Variants in DGKB observed in about 807,000 individuals in gnomAD.
DGKB encodes 90 kDa diacylglycerol kinase.
Under a neutral mutation model 114.3 loss-of-function variants are expected in DGKB, and 67 were observed. That is an observed-to-expected ratio of 0.59 (90% confidence interval 0.48 to 0.72). The LOEUF (loss-of-function observed/expected upper bound fraction) is 0.72, where lower values mean the gene tolerates loss of function less well. DGKB is among the 30% of genes least tolerant of loss of function. DGKB has a pLI of 0.00. For synonymous variants in DGKB, 398 were observed against 323.1 expected (o/e 1.23, Z -2.49); for missense variants, 907 against 975.2 (o/e 0.93, Z 0.93).
At chr7:14,259,676 T>A (rs1796478107) in intron 23 of DGKB, among the ~76,000 whole-genome samples, 2 of 152,166 alleles carry the variant, frequency 1.3e-5, no homozygotes, top group South Asian at 4.1e-4. Context: ...TCCACCCACC[T>A]CAGCCTCCCA....
At chr7:14,185,739 C>G (rs1178277398) in intron 23 of DGKB, among the ~76,000 whole-genome samples, 1 of 152,042 alleles carries the variant, frequency 6.6e-6, no homozygotes. Flanking sequence ...TGATCTTTGA[C>G]AAAACAAACA....
intron 1 of DGKB, among the ~76,000 whole-genome samples, chr7:14,880,390 G>A (rs1312098325): frequency 2.0e-5 from 3 of 152,110 alleles, no homozygotes; most frequent in African/African-American, 4.8e-5. Context: ...CCTGGGAGGC[G>A]TAGGTTGCTC....
intron 1 of DGKB, among the ~76,000 whole-genome samples, chr7:14,923,861 G>C (rs1348482231): frequency 1.3e-5 from 2 of 151,718 alleles, no homozygotes; most frequent in Non-Finnish European, 2.9e-5. Context: ...CGGGTGTGGT[G>C]GTGCATGCCT....
At chr7:14,796,480 T>C (rs575600618) in intron 2 of DGKB, among the ~76,000 whole-genome samples, 7 of 152,228 alleles carry the variant, frequency 4.6e-5, no homozygotes, top group African/African-American at 1.4e-4. Context: ...GGGATAGAGA[T>C]ACTAAAGCAT....
intron 2 of DGKB, among the ~76,000 whole-genome samples, chr7:14,789,333 C>A (rs1001018117): frequency 2.6e-5 from 4 of 152,148 alleles, no homozygotes; most frequent in African/African-American, 9.7e-5. Flanking sequence ...CCTCCTCAAC[C>A]TCTGGCAAAC....
chr7:14,782,827 T>TTA lies in DGKB; in HGVS notation c.71-25098_71-25097dup, dbSNP rs35531994. Reference sequence around the variant, plus strand: ...ATTGTACCTCAGTTTGCTCACATGATTATATATATATATATATTTTTAAGA... The same window carrying TTA: ...ATTGTACCTCAGTTTGCTCACATGATTATATATATATATATATATTTTTAAGA... On this transcript the variant is annotated intron_variant, in intron 2 of 25. Transcript: ENST00000402815. Among the ~76,000 whole-genome samples, 321 of 149,740 alleles carry TTA rather than the reference T, an allele frequency of 2.1e-3. 1 individual carries two copies. Among genetic ancestry groups the TTA allele is most frequent in the African/African-American group, 5.6e-3 (228 of 40,952 alleles).
chr7:14,719,177 T>C (rs1828735870), intron 5 of DGKB, among the ~76,000 whole-genome samples: 1 of 152,164 alleles, frequency 6.6e-6, no homozygotes, highest in Admixed American at 6.5e-5. Context: ...GCCAATACCA[T>C]GAAGAAGACA....
intron 23 of DGKB, among the ~76,000 whole-genome samples, chr7:14,313,216 GA>G (rs1805709776): frequency 6.6e-6 from 1 of 152,166 alleles, no homozygotes; most frequent in Non-Finnish European, 1.5e-5. Flanking sequence ...ATATCTGTGT[GA>G]GGCTTGATTT....
intron 21 of DGKB, among the ~76,000 whole-genome samples, chr7:14,461,293 C>T (rs1488577553): frequency 5.4e-5 from 8 of 148,044 alleles, no homozygotes; most frequent in Non-Finnish European, 7.4e-5. Context: ...ACACAAAAAC[C>T]CTTCAAAAAA....
chr7:14,366,666 G>T (rs11977804), intron 21 of DGKB, among the ~76,000 whole-genome samples: 67,516 of 151,878 alleles, frequency 0.44, 15,798 homozygotes, highest in African/African-American at 0.59. Context: ...AAATCCAATC[G>T]ATTCTCAATT....
At chr7:14,752,155 T>C (rs1168181595) in intron 4 of DGKB, among the ~76,000 whole-genome samples, 1 of 152,184 alleles carries the variant, frequency 6.6e-6, no homozygotes, top group East Asian at 1.9e-4. Flanking sequence ...TTCCTTATCC[T>C]TTCCATAATG....
chr7:14,177,515 C>G (rs1424178785), intron 24 of DGKB, among the ~76,000 whole-genome samples: 3 of 124,144 alleles, frequency 2.4e-5, no homozygotes, highest in African/African-American at 8.8e-5. Flanking sequence ...GATCGTGCCA[C>G]TGCACTCCAG....
intron 1 of DGKB, among the ~76,000 whole-genome samples, chr7:14,927,742 A>T (rs1784819832): frequency 2.6e-5 from 4 of 152,156 alleles, no homozygotes; most frequent in Admixed American, 2.6e-4. Context: ...CAGAGAATGA[A>T]AAACAAACTC....
Position 14,321,414 on chromosome 7 carries a change from G to C in DGKB, c.2122+17101C>G, listed in dbSNP as rs576952486. ...CAACATGTATTTATAACAAAACATAGTAAATTTGAAATAAAGAAGAAATCT... is the reference window on the plus strand; with the variant it reads ...CAACATGTATTTATAACAAAACATACTAAATTTGAAATAAAGAAGAAATCT... On this transcript the variant is annotated intron_variant, in intron 23 of 25. Transcript: ENST00000402815. Among the ~76,000 whole-genome samples the C allele has an allele frequency of 5.3e-5, 8 of 152,122 alleles. No homozygotes were observed. In the South Asian group the frequency reaches 1.7e-3, roughly 32 times the overall value.
intron 15 of DGKB, among the ~76,000 whole-genome samples, chr7:14,616,756 T>C (rs986402515): frequency 1.8e-4 from 28 of 151,746 alleles, no homozygotes; most frequent in Non-Finnish European, 3.8e-4. Context: ...TGCTTGAGGC[T>C]CTCTCTACAG....
intron 23 of DGKB, among the ~76,000 whole-genome samples, chr7:14,243,922 C>T (rs1794028356): frequency 6.6e-6 from 1 of 152,096 alleles, no homozygotes; most frequent in Non-Finnish European, 1.5e-5. Flanking sequence ...GGTCAAATCA[C>T]CTAACTTGAG....
chr7:14,805,268 T>G (rs1842656554), intron 2 of DGKB, among the ~76,000 whole-genome samples: 1 of 151,898 alleles, frequency 6.6e-6, no homozygotes, highest in African/African-American at 2.4e-5. Context: ...CAGAGAATTG[T>G]GCAATATGCC....
intron 6 of DGKB, among the ~76,000 whole-genome samples, chr7:14,709,797 C>G (rs1233639477): frequency 8.1e-6 from 1 of 123,216 alleles, no homozygotes; most frequent in East Asian, 2.4e-4. Context: ...AGGGGAATAT[C>G]ACACTCTGGG....
chr7:14,382,467 CAG>C (rs1819648840), intron 21 of DGKB, among the ~76,000 whole-genome samples: 1 of 145,888 alleles, frequency 6.9e-6, no homozygotes, highest in Non-Finnish European at 1.5e-5. Flanking sequence ...CACACACACA[CAG>C]ACACATACAC....
Sources: allele counts gnomAD v4.1 joint callset (sites outside exome capture counted in the v4.1 genomes callset), GRCh38; gene constraint gnomAD v4.1.1; transcripts MANE v1.5; gene names NCBI Gene and HGNC (gene_info 2026-07-23, HGNC 2026-07-21).